ZDHHC6: variants seen among roughly 807,000 people sequenced by gnomAD.
The protein encoded by ZDHHC6 is zDHHC palmitoyltransferase 6.
In ZDHHC6, 32 loss-of-function variants were observed where a neutral mutation model predicts 57.8. The ratio of observed to expected loss-of-function variants is 0.55; its 90% CI spans 0.42 to 0.74. The LOEUF (loss-of-function observed/expected upper bound fraction) is 0.74, where lower values mean the gene tolerates loss of function less well. Ranked by LOEUF, ZDHHC6 falls within the 30% of genes least tolerant of loss-of-function variation. The probability of loss-of-function intolerance (pLI) is 0.00; values close to 1 mark genes in which losing one functional copy is unlikely to be tolerated. For missense variants in ZDHHC6, 433 were observed against 500.7 expected, an observed-to-expected ratio of 0.86 and a Z score of 1.29; for synonymous variants, 128 against 158.0, an observed-to-expected ratio of 0.81 and a Z score of 1.42.
downstream of ZDHHC6, among the ~76,000 whole-genome samples, chr10:112,429,839 G>A (rs755716488): frequency 2.6e-5 from 4 of 152,300 alleles, no homozygotes; most frequent in Admixed American, 6.5e-5. Context: ...GGGCCTAGGC[G>A]GCAGGGCGCT....
chr10:112,439,628 TAAAAAAAAAAAAAAAAAAAAAAAA>T lies in ZDHHC6; in HGVS notation c.681+882_681+905del, dbSNP rs869272293. On this transcript the variant is annotated intron_variant, in intron 5 of 10. Transcript: ENST00000369405. ...CTGGGTGACAGAGTGAGACTCCGTC[TAAAAAAAAAAAAAAAAAAAAAAAA>T]AAAAAAAAAAAAAAAAAGAATGAAA... Among the ~76,000 whole-genome samples, 126 of 31,308 alleles carry T rather than the reference TAAAAAAAAAAAAAAAAAAAAAAAA, an allele frequency of 4.0e-3. 3 individuals are homozygous for T. The South Asian group carries it at 0.1, about 25-fold the overall frequency. 20.5% of individuals were successfully genotyped at this position (31,308 alleles called of 152,430 possible).
chr10:112,442,370 A>AT lies in ZDHHC6; in HGVS notation c.360-20dup. The AT allele has an allele frequency of 1.9e-6, 3 of 1,596,872 alleles. No individual in the cohort carries two copies. The highest frequency in any genetic ancestry group is 2.6e-6 in the Non-Finnish European group (3 of 1,173,724). ...CACACATCTAACAAGAAAAATTTACATAAAACATGAGGCAGAAAATCCTGT... is the reference window on the plus strand; with the variant it reads ...CACACATCTAACAAGAAAAATTTACATTAAAACATGAGGCAGAAAATCCTGT... On this transcript the variant is annotated intron_variant, in intron 3 of 10. Coordinates refer to ENST00000369405, the MANE Select transcript of ZDHHC6 (RefSeq NM_022494.3).
At position 112,442,118 on chromosome 10, in the gene ZDHHC6, C is replaced by A. The variant is rs1490783777; in HGVS notation, c.519+74G>T. The A allele has an allele frequency of 1.2e-5, 17 of 1,408,146 alleles. No individual in the cohort carries two copies. The Admixed American group carries it at 4.8e-4, about 40-fold the overall frequency. 87.2% of individuals were successfully genotyped at this position (1,408,146 alleles called of 1,614,324 possible). ...CAGAAAGCATATTTCCAAAAGGAAC[C>A]TCTTAAATGTTGATAACTACCATTT... is the stretch of plus-strand genomic sequence containing the variant. On this transcript the variant is annotated intron_variant, in intron 4 of 10. Coordinates refer to ENST00000369405, the MANE Select transcript of ZDHHC6 (RefSeq NM_022494.3).
intron 10 of ZDHHC6, among the ~76,000 whole-genome samples, chr10:112,431,792 T>C (rs2900946): frequency 0.32 from 48,856 of 151,596 alleles, 7,979 homozygotes; most frequent in Middle Eastern, 0.37. Context: ...TTAAGAGAAA[T>C]GCTCAAAGTG....
At chr10:112,438,837 T>C (rs1845800198) in intron 5 of ZDHHC6, among the ~76,000 whole-genome samples, 1 of 152,212 alleles carries the variant, frequency 6.6e-6, no homozygotes. Context: ...AATATTTCAC[T>C]TGCCTTAAAA....
intron 5 of ZDHHC6, 80 bp downstream of exon 5, chr10:112,440,454 A>T (rs771189962): frequency 2.8e-6 from 4 of 1,437,910 alleles, no homozygotes; most frequent in Admixed American, 4.1e-5. Context: ...CTGGACACTT[A>T]AATACAGGCT....
At chr10:112,436,767 G>A (rs1348849295) in intron 6 of ZDHHC6, among the ~76,000 whole-genome samples, 1 of 152,218 alleles carries the variant, frequency 6.6e-6, no homozygotes, top group Non-Finnish European at 1.5e-5. Context: ...GCAATTCCAT[G>A]TAAGAATGTC....
At chr10:112,439,966 A>G (rs1013633889) in intron 5 of ZDHHC6, among the ~76,000 whole-genome samples, 2 of 152,150 alleles carry the variant, frequency 1.3e-5, no homozygotes, top group Non-Finnish European at 2.9e-5. Flanking sequence ...ACACATAATA[A>G]GTGCTCAATA....
At chr10:112,443,093 T>A (rs1376075266) in intron 3 of ZDHHC6, among the ~76,000 whole-genome samples, 1 of 152,208 alleles carries the variant, frequency 6.6e-6, no homozygotes, top group African/African-American at 2.4e-5. Context: ...GATTATTAGA[T>A]GTGTATAAAG....
intron 10 of ZDHHC6, among the ~76,000 whole-genome samples, chr10:112,431,173 G>T (rs948110279): frequency 6.6e-6 from 1 of 152,154 alleles, no homozygotes; most frequent in Non-Finnish European, 1.5e-5. Flanking sequence ...AGAGTCAGGG[G>T]GAACTCGGTA....
At chr10:112,436,625 G>A (rs1003503432) in intron 6 of ZDHHC6, among the ~76,000 whole-genome samples, 1 of 152,210 alleles carries the variant, frequency 6.6e-6, no homozygotes, top group African/African-American at 2.4e-5. Flanking sequence ...GCAAGGCCAA[G>A]CTATTTTCAT....
intron 5 of ZDHHC6, among the ~76,000 whole-genome samples, chr10:112,439,833 T>C (rs1365404244): frequency 6.6e-6 from 1 of 151,804 alleles, no homozygotes; most frequent in Non-Finnish European, 1.5e-5. Flanking sequence ...TCATTATCAT[T>C]TATGCAGCCT....
chr10:112,430,665 T>C lies in ZDHHC6; in HGVS notation c.*139A>G. The C allele has an allele frequency of 1.7e-6, 1 of 599,120 alleles. No individual in the cohort carries two copies. The highest frequency in any genetic ancestry group is 2.6e-6 in the Non-Finnish European group (1 of 377,850). 37.1% of individuals were successfully genotyped at this position (599,120 alleles called of 1,614,324 possible). On this transcript the variant is annotated 3_prime_UTR_variant, in exon 11 of 11. Coordinates refer to ENST00000369405, the MANE Select transcript of ZDHHC6 (RefSeq NM_022494.3). ...CTCCATTTCAAAATGGTAATAAAAATATTTAAATCATGGCACTAGGGCACC... is the reference window on the plus strand; with the variant it reads ...CTCCATTTCAAAATGGTAATAAAAACATTTAAATCATGGCACTAGGGCACC...
chr10:112,433,391 C>T (rs1845216619), intron 7 of ZDHHC6, 110 bp from the exon 8 acceptor site: 2 of 839,610 alleles, frequency 2.4e-6, no homozygotes, highest in Non-Finnish European at 3.5e-6. Flanking sequence ...AATTTTCCAG[C>T]ATTTCAAGTT....
intron 3 of ZDHHC6, among the ~76,000 whole-genome samples, chr10:112,442,681 T>C (rs1846236453): frequency 6.6e-6 from 1 of 152,156 alleles, no homozygotes; most frequent in Admixed American, 6.5e-5. Context: ...GCATGGTTCC[T>C]GGTTTTCTTC....
chr10:112,432,850 G>A lies in ZDHHC6; in HGVS notation c.946-329C>T, dbSNP rs573736942. Among the ~76,000 whole-genome samples the A allele has an allele frequency of 3.9e-5, 6 of 152,324 alleles. No individual in the cohort carries two copies. In the South Asian group the frequency reaches 1.2e-3, roughly 32 times the overall value. ...CACTTGACACATGTAGCTACTGAGTGAGCACTTACAATGTAGTGAATGCAA... is the reference window on the plus strand; with the variant it reads ...CACTTGACACATGTAGCTACTGAGTAAGCACTTACAATGTAGTGAATGCAA... On this transcript the variant is annotated intron_variant, in intron 8 of 10. Coordinates refer to ENST00000369405, the MANE Select transcript of ZDHHC6 (RefSeq NM_022494.3).
chr10:112,447,220 AC>A, upstream of ZDHHC6: 3 of 690,256 alleles, frequency 4.3e-6, no homozygotes, highest in Non-Finnish European at 6.9e-6. Flanking sequence ...GCGACGAACA[AC>A]CAGGAAGCGG....
chr10:112,446,865 G>C lies in ZDHHC6; in HGVS notation c.-375C>G, dbSNP rs1162714067. The C allele has an allele frequency of 1.6e-5, 3 of 186,038 alleles. No homozygotes were observed. Among genetic ancestry groups the C allele is most frequent in the Non-Finnish European group, 3.5e-5 (3 of 86,792 alleles). 11.5% of individuals were successfully genotyped at this position (186,038 alleles called of 1,614,324 possible). ...CTGGCAGCGAGAGGCTGGAGTGCGG[G>C]ACCTGCTACAAGCCGAGCACCTCTC... is the stretch of plus-strand genomic sequence containing the variant. On this transcript the variant is annotated 5_prime_UTR_variant, in exon 1 of 11. Transcript: ENST00000369405.
intron 1 of ZDHHC6, among the ~76,000 whole-genome samples, chr10:112,446,274 G>A (rs1234151682): frequency 6.6e-6 from 1 of 152,154 alleles, no homozygotes; most frequent in African/African-American, 2.4e-5. Context: ...GAAAGGAAGG[G>A]AGGAGATAGA....
Sources: gnomAD v4.1 joint callset for allele counts (sites outside exome capture counted in the v4.1 genomes callset) on GRCh38, gnomAD v4.1.1 for gene constraint, MANE v1.5 for transcripts, NCBI Gene and HGNC (gene_info 2026-07-23, HGNC 2026-07-21) for gene names.